The following CDH18 variants were observed in gnomAD, a reference collection of about 807,000 sequenced individuals.
CDH18 encodes the protein cadherin-18.
CDH18 carries 31 observed loss-of-function variants against 67.9 expected under a neutral mutation model. The observed-to-expected ratio is 0.46, with a 90% CI of 0.34 to 0.62. The LOEUF (loss-of-function observed/expected upper bound fraction) is 0.62. CDH18 is among the 20% of genes least tolerant of loss of function. The pLI, the probability that CDH18 is intolerant of heterozygous loss-of-function variation, is 0.01. For synonymous variants in CDH18, 362 were observed against 347.2 expected, an observed-to-expected ratio of 1.04 and a Z score of -0.48; for missense variants, 890 against 975.5, an observed-to-expected ratio of 0.91 and a Z score of 1.17.
At chr5:20,012,387 A>G (rs948981479) in intron 2 of CDH18, among the ~76,000 whole-genome samples, 1 of 151,124 alleles carries the variant, frequency 6.6e-6, no homozygotes, top group African/African-American at 2.4e-5. Context: ...AAAAAAAAAA[A>G]AAAACACCAG....
chr5:19,979,215 A>AGAGTGT (rs1554075589), intron 2 of CDH18, among the ~76,000 whole-genome samples: 1 of 146,944 alleles, frequency 6.8e-6, no homozygotes, highest in Non-Finnish European at 1.5e-5. Context: ...GTGGGGATGG[A>AGAGTGT]GTGTGTGTGT....
At chr5:19,845,410 G>A (rs554110325) in intron 2 of CDH18, among the ~76,000 whole-genome samples, 1 of 152,066 alleles carries the variant, frequency 6.6e-6, no homozygotes, top group African/African-American at 2.4e-5. Flanking sequence ...TGAATTTGTA[G>A]ACTTGTTTTG....
chr5:20,209,629 A>G (rs542354047), intron 2 of CDH18, among the ~76,000 whole-genome samples: 1 of 152,156 alleles, frequency 6.6e-6, no homozygotes, highest in Non-Finnish European at 1.5e-5. Context: ...GAGGTTGACC[A>G]ATGAGTACAA....
chr5:19,614,899 G>T (rs1271988281), intron 5 of CDH18, among the ~76,000 whole-genome samples: 1 of 152,098 alleles, frequency 6.6e-6, no homozygotes, highest in East Asian at 1.9e-4. Context: ...TATAATCCCA[G>T]CACTTTGAGA....
chr5:19,841,098 T>G (rs564569942), intron 2 of CDH18, among the ~76,000 whole-genome samples: 1 of 152,326 alleles, frequency 6.6e-6, no homozygotes, highest in African/African-American at 2.4e-5. Context: ...CATTTTTCTC[T>G]GAGTATTTCG....
At position 19,746,922 on chromosome 5, in the gene CDH18, A is replaced by G; in HGVS notation, c.523+20T>C. On this transcript the variant is annotated intron_variant, in intron 4 of 12. Coordinates refer to ENST00000382275, the MANE Select transcript of CDH18 (RefSeq NM_004934.5). The stretch of plus-strand genomic sequence containing the variant: ...TTCTTAATATGTTAATTGCATAATC[A>G]CAAAAATGATTTTTCTTACCCATAT... The G allele has an allele frequency of 6.2e-7, 1 of 1,602,116 alleles. No homozygotes were observed. Among genetic ancestry groups the G allele is most frequent in the South Asian group, 1.1e-5 (1 of 90,134 alleles).
intron 2 of CDH18, among the ~76,000 whole-genome samples, chr5:19,945,644 G>C (rs1217376817): frequency 6.6e-6 from 1 of 151,998 alleles, no homozygotes; most frequent in Non-Finnish European, 1.5e-5. Flanking sequence ...CAGAAGAAGA[G>C]ATAGAAAATC....
chr5:19,602,464 C>CACAT (rs774626763), intron 6 of CDH18, among the ~76,000 whole-genome samples: 11 of 151,450 alleles, frequency 7.3e-5, no homozygotes, highest in Admixed American at 2.0e-4. Flanking sequence ...CTGCAAAACA[C>CACAT]ACACACACAC....
intron 9 of CDH18, among the ~76,000 whole-genome samples, chr5:19,533,218 G>A (rs946204167): frequency 3.9e-5 from 6 of 152,170 alleles, no homozygotes; most frequent in African/African-American, 1.4e-4. Flanking sequence ...TAATCAAAAG[G>A]ATATTATGTC....
chr5:19,659,328 G>A (rs1756850807), intron 5 of CDH18, among the ~76,000 whole-genome samples: 1 of 152,020 alleles, frequency 6.6e-6, no homozygotes, highest in African/African-American at 2.4e-5. Context: ...TTATGGCATG[G>A]CTTTGGATTA....
In CDH18 at chr5:20,282,535, G is replaced by A. The variant is rs184508131; in HGVS notation, c.-579-27030C>T. On this transcript the variant is annotated intron_variant, in intron 1 of 14. Coordinates refer to the CDH18 transcript ENST00000507958. ...TTACATTTATTGATTTGCATATGTT[G>A]AACCAGCCTTGCATCCCAGGGATGA... Among the ~76,000 whole-genome samples, 488 of 152,138 alleles carry A rather than the reference G, an allele frequency of 3.2e-3. 9 individuals carry two copies. Among genetic ancestry groups the A allele is most frequent in the East Asian group, 0.03 (157 of 5,166 alleles).
At chr5:19,650,024 T>A (rs991373075) in intron 5 of CDH18, among the ~76,000 whole-genome samples, 2 of 151,944 alleles carry the variant, frequency 1.3e-5, no homozygotes, top group African/African-American at 4.8e-5. Flanking sequence ...TTTTAAAAAA[T>A]TTTACTTTTT....
intron 1 of CDH18, among the ~76,000 whole-genome samples, chr5:20,562,815 T>TCATAGAATAAGTTTGTTTAG (rs1758292840): frequency 1.3e-5 from 2 of 152,038 alleles, no homozygotes; most frequent in East Asian, 3.9e-4. Flanking sequence ...TAGGTTTAAA[T>TCATAGAATAAGTTTGTTTAG]CATAGAATAA....
At chr5:19,883,549 A>G (rs1787888238) in intron 2 of CDH18, among the ~76,000 whole-genome samples, 1 of 151,798 alleles carries the variant, frequency 6.6e-6, no homozygotes, top group Non-Finnish European at 1.5e-5. Context: ...TGTTTTGTCC[A>G]GTATTACATT....
chr5:20,409,375 G>T (rs1412495672), intron 1 of CDH18, among the ~76,000 whole-genome samples: 6 of 151,488 alleles, frequency 4.0e-5, no homozygotes. Flanking sequence ...AAATAGAAAA[G>T]TTCAAAAATA....
chr5:19,635,363 C>A (rs1314836803), intron 5 of CDH18, among the ~76,000 whole-genome samples: 1 of 152,134 alleles, frequency 6.6e-6, no homozygotes, highest in African/African-American at 2.4e-5. Context: ...GCTTCAATTA[C>A]ATTAAACAAA....
intron 2 of CDH18, among the ~76,000 whole-genome samples, chr5:20,022,150 T>G (rs1433695603): frequency 6.6e-6 from 1 of 152,226 alleles, no homozygotes; most frequent in Non-Finnish European, 1.5e-5. Flanking sequence ...TTTTTATAAC[T>G]TTAAACACCA....
At chr5:19,551,771 A>C (rs2127146472) in intron 8 of CDH18, among the ~76,000 whole-genome samples, 1 of 152,294 alleles carries the variant, frequency 6.6e-6, no homozygotes, top group East Asian at 1.9e-4. Flanking sequence ...GGTTATGAAT[A>C]GGGTTACTAC....
intron 3 of CDH18, among the ~76,000 whole-genome samples, chr5:19,794,364 G>T (rs115951391): frequency 0.012 from 1,753 of 152,214 alleles, 16 homozygotes; most frequent in Non-Finnish European, 0.019. Flanking sequence ...TGGAGAAAGG[G>T]TGAGTTCTTT....
Sources: gnomAD v4.1 joint callset for allele counts (sites outside exome capture counted in the v4.1 genomes callset) on GRCh38, gnomAD v4.1.1 for gene constraint, MANE v1.5 for transcripts, NCBI Gene and HGNC (gene_info 2026-07-23, HGNC 2026-07-21) for gene names.